ATP13A4: variants seen among roughly 807,000 people sequenced by gnomAD.
ATP13A4 encodes probable cation-transporting ATPase 13A4.
A neutral mutation model predicts 142.5 loss-of-function variants in ATP13A4; 114 were observed. The observed-to-expected ratio is 0.80, with a 90% confidence interval of 0.69 to 0.93. The LOEUF (loss-of-function observed/expected upper bound fraction) is 0.93, where lower values mean the gene tolerates loss of function less well. Among genes scored for constraint, ATP13A4 ranks in the 40% least tolerant of loss-of-function variants. The probability of loss-of-function intolerance (pLI) is 0.00; values close to 1 mark genes in which losing one functional copy is unlikely to be tolerated. For synonymous variants in ATP13A4, 488 were observed against 514.8 expected, an observed-to-expected ratio of 0.95 and a Z score of 0.70; for missense variants, 1,392 against 1,454.0, an observed-to-expected ratio of 0.96 and a Z score of 0.69.
At position 193,584,615 on chromosome 3, in the gene ATP13A4, A is replaced by ATTTT. The variant is rs150108003; in HGVS notation, n.92-2713_92-2710dup. Among the ~76,000 whole-genome samples, 693 of 148,780 alleles carry ATTTT rather than the reference A, an allele frequency of 4.7e-3. 4 individuals carry two copies. Among genetic ancestry groups the ATTTT allele is most frequent in the African/African-American group, 0.016 (652 of 40,754 alleles). ...GTTGGGTCCATTTCACTTTTCTTCT[A>ATTTT]TTTTTTTTTTTAACAAAAAAAGATA... On this transcript the variant is annotated intron_variant and non_coding_transcript_variant, in intron 1 of 3. Coordinates refer to the ATP13A4 transcript ENST00000489140.
intron 1 of ATP13A4, among the ~76,000 whole-genome samples, chr3:193,528,818 C>G (rs1183906299): frequency 6.6e-6 from 1 of 152,136 alleles, no homozygotes; most frequent in East Asian, 1.9e-4. Flanking sequence ...TTTTCTTCTA[C>G]CAGAATGAAA....
intron 2 of ATP13A4, chr3:193,579,492 A>AATATATATATATATATATATATAT (rs34635543): frequency 3.4e-4 from 51 of 149,902 alleles, no homozygotes; most frequent in East Asian, 1.5e-3. Flanking sequence ...TATGTATTGT[A>AATATATATATATATATATATATAT]ATATATATAT....
chr3:193,574,645 C>A (rs949329013), intron 2 of ATP13A4, among the ~76,000 whole-genome samples: 5 of 152,032 alleles, frequency 3.3e-5, no homozygotes, highest in African/African-American at 1.2e-4. Context: ...GAACCTGGGG[C>A]AGGGAGGTTG....
chr3:193,516,748 G>A (rs756077523), intron 1 of ATP13A4, among the ~76,000 whole-genome samples: 2 of 151,964 alleles, frequency 1.3e-5, no homozygotes, highest in Non-Finnish European at 2.9e-5. Flanking sequence ...TGAGTTACTC[G>A]GTTCTATAGC....
chr3:193,556,093 C>G (rs770045827), upstream of ATP13A4, among the ~76,000 whole-genome samples: 14 of 152,180 alleles, frequency 9.2e-5, no homozygotes, highest in Non-Finnish European at 2.1e-4. Context: ...TTGGACTGTA[C>G]TAGGTGGTCG....
At chr3:193,468,769 G>A (rs1035652129) in intron 9 of ATP13A4, among the ~76,000 whole-genome samples, 42 of 152,180 alleles carry the variant, frequency 2.8e-4, no homozygotes, top group African/African-American at 9.9e-4. Flanking sequence ...AAACAAGGAA[G>A]TAAGAAGCTA....
intron 8 of ATP13A4, among the ~76,000 whole-genome samples, chr3:193,479,207 T>G (rs1194388504): frequency 6.6e-6 from 1 of 152,030 alleles, no homozygotes; most frequent in African/African-American, 2.4e-5. Context: ...AGAACTGGAA[T>G]GAGACAAGGA....
intron 1 of ATP13A4, among the ~76,000 whole-genome samples, chr3:193,543,004 A>G (rs1320092160): frequency 6.6e-6 from 1 of 152,084 alleles, no homozygotes; most frequent in Admixed American, 6.6e-5. Flanking sequence ...TCTCTACTAA[A>G]AAATACAACA....
intron 8 of ATP13A4, among the ~76,000 whole-genome samples, chr3:193,480,322 C>G (rs1322981685): frequency 6.6e-6 from 1 of 152,142 alleles, no homozygotes. Context: ...AAAGAAATAA[C>G]CAGCAGAATA....
intron 14 of ATP13A4, among the ~76,000 whole-genome samples, chr3:193,458,322 ATTTAGTC>A (rs1717756578): frequency 6.6e-6 from 1 of 152,176 alleles, no homozygotes; most frequent in African/African-American, 2.4e-5. Flanking sequence ...AACTCCAGCT[ATTTAGTC>A]TTTAGAGTGT....
At chr3:193,571,362 C>G (rs1724263060) in intron 2 of ATP13A4, among the ~76,000 whole-genome samples, 1 of 151,128 alleles carries the variant, frequency 6.6e-6, no homozygotes, top group Non-Finnish European at 1.5e-5. Flanking sequence ...ATAGATAAAT[C>G]TTCCGTACAG....
intron 1 of ATP13A4, among the ~76,000 whole-genome samples, chr3:193,521,730 C>G (rs1200006294): frequency 2.6e-5 from 4 of 151,954 alleles, no homozygotes; most frequent in Non-Finnish European, 5.9e-5. Flanking sequence ...GTCAGGAGAT[C>G]GAGACCAGCC....
At chr3:193,570,459 G>C (rs545289290) in intron 2 of ATP13A4, among the ~76,000 whole-genome samples, 2 of 152,240 alleles carry the variant, frequency 1.3e-5, no homozygotes, top group East Asian at 3.9e-4. Flanking sequence ...AACCATGTAT[G>C]ACATGCTAAT....
chr3:193,419,328 T>C (rs1189822418), intron 25 of ATP13A4, among the ~76,000 whole-genome samples: 1 of 150,314 alleles, frequency 6.7e-6, no homozygotes. Flanking sequence ...GAGATGACGC[T>C]GTGCACTGCC....
intron 1 of ATP13A4, among the ~76,000 whole-genome samples, chr3:193,523,076 G>A (rs774491811): frequency 1.4e-4 from 21 of 152,040 alleles, no homozygotes; most frequent in East Asian, 1.9e-4. Context: ...GTCGAGGCAC[G>A]CGGATCACCC....
rs1724570536 is a variant in ATP13A4 at position 193,582,501 on chromosome 3, T to A, written n.92-595A>T. ...TATAATATATACATGTATATACTTA[T>A]AAGTATACATTAATAATATATGTAC... On this transcript the variant is annotated intron_variant and non_coding_transcript_variant, in intron 1 of 3. Coordinates refer to the ATP13A4 transcript ENST00000489140. 4.2e-5 allele frequency among the ~76,000 whole-genome samples: 6 copies of A among 142,646 alleles called. No homozygotes were observed. In the South Asian group the frequency reaches 1.3e-3, roughly 30 times the overall value. The allele number at this position is 142,646 out of a possible 152,430, so 93.6% of individuals were successfully genotyped here.
At chr3:193,566,996 T>C (rs1410246409) in intron 2 of ATP13A4, among the ~76,000 whole-genome samples, 1 of 152,230 alleles carries the variant, frequency 6.6e-6, no homozygotes, top group African/African-American at 2.4e-5. Context: ...ACAGATACTT[T>C]CGTTATTACC....
At chr3:193,524,566 C>G (rs564260657) in intron 1 of ATP13A4, among the ~76,000 whole-genome samples, 110 of 152,236 alleles carry the variant, frequency 7.2e-4, no homozygotes, top group Admixed American at 3.8e-3. Context: ...GTCTAGGCAG[C>G]CTATTTACTG....
chr3:193,410,521 T>C (rs1172359454), intron 28 of ATP13A4, among the ~76,000 whole-genome samples: 1 of 152,214 alleles, frequency 6.6e-6, no homozygotes, highest in African/African-American at 2.4e-5. Context: ...GAGACCAGCC[T>C]GGGCAACATA....
Sources: gnomAD v4.1 joint callset for allele counts (sites outside exome capture counted in the v4.1 genomes callset) on GRCh38, gnomAD v4.1.1 for gene constraint, MANE v1.5 for transcripts, NCBI Gene and HGNC (gene_info 2026-07-23, HGNC 2026-07-21) for gene names.